ZNF236: variants seen among roughly 807,000 people sequenced by gnomAD.
ZNF236 encodes the protein zinc finger protein 236, also known as regulated by glucose.
Under a neutral mutation model 191.2 loss-of-function variants are expected in ZNF236, and 50 were observed. That is an observed-to-expected ratio of 0.26 (90% CI 0.21 to 0.33). ZNF236 has a LOEUF of 0.33. Among genes scored for constraint, ZNF236 ranks in the 10% least tolerant of loss-of-function variants. ZNF236 has a pLI of 1.00. For missense variants in ZNF236, 1,754 were observed against 2,374.5 expected (o/e 0.74, Z 5.43); for synonymous variants, 907 against 928.8 (o/e 0.98, Z 0.43).
At chr18:76,912,162 C>A in intron 16 of ZNF236, 82 bp from the exon 17 acceptor site, 1 of 1,006,126 alleles carries the variant, frequency 9.9e-7, no homozygotes, top group Non-Finnish European at 1.5e-6. Flanking sequence ...ATGTTCTTAT[C>A]CTTAGTTCTT....
At chr18:76,942,996 A>T (rs188682054) in intron 26 of ZNF236, among the ~76,000 whole-genome samples, 1,776 of 150,296 alleles carry the variant, frequency 0.012, 25 homozygotes, top group African/African-American at 0.04. Context: ...GGTGGCGGGC[A>T]CCTGTGGTCC....
intron 9 of ZNF236, chr18:76,887,371 CTAAATAAATAAA>C (rs61702186): frequency 2.0e-5 from 3 of 149,394 alleles, no homozygotes; most frequent in Non-Finnish European, 1.5e-5. Context: ...GACTCCATGT[CTAAATAAATAAA>C]TAAATAAATA....
At chr18:76,852,637 CAAA>C (rs34349493) in intron 3 of ZNF236, among the ~76,000 whole-genome samples, 1 of 133,614 alleles carries the variant, frequency 7.5e-6, no homozygotes. Flanking sequence ...CCATCTCTAC[CAAA>C]AAAAAAAAAG....
intron 3 of ZNF236, among the ~76,000 whole-genome samples, chr18:76,867,963 A>G (rs930056308): frequency 6.6e-6 from 1 of 152,144 alleles, no homozygotes; most frequent in Non-Finnish European, 1.5e-5. Context: ...AAAATTTTCT[A>G]GTAGCCACAT....
At chr18:76,939,722 A>G (rs1968083637) in intron 26 of ZNF236, among the ~76,000 whole-genome samples, 1 of 151,986 alleles carries the variant, frequency 6.6e-6, no homozygotes, top group African/African-American at 2.4e-5. Context: ...GTAAAGCCTT[A>G]AGGGTGTAAT....
intron 9 of ZNF236, chr18:76,886,257 G>A (rs933585957): frequency 6.6e-6 from 1 of 152,248 alleles, no homozygotes; most frequent in Non-Finnish European, 1.5e-5. Flanking sequence ...TTTCTTGAGA[G>A]ATCTGACAAA....
intron 9 of ZNF236, among the ~76,000 whole-genome samples, chr18:76,884,056 A>G (rs1976975397): frequency 2.0e-5 from 3 of 152,234 alleles, no homozygotes. Flanking sequence ...AAATGCTTTT[A>G]TAGTTATCAT....
chr18:76,955,654 A>T (rs1968505273), intron 27 of ZNF236, among the ~76,000 whole-genome samples: 1 of 152,200 alleles, frequency 6.6e-6, no homozygotes, highest in South Asian at 2.1e-4. Flanking sequence ...TTCTCCCATG[A>T]GGACGCGACC....
At chr18:76,878,911 G>A (rs555822686) in intron 7 of ZNF236, among the ~76,000 whole-genome samples, 6 of 152,212 alleles carry the variant, frequency 3.9e-5, no homozygotes, top group Admixed American at 1.3e-4. Flanking sequence ...TAAACATTAG[G>A]TTTACCTTTA....
chr18:76,912,175 C>A, intron 16 of ZNF236, 69 bp from the exon 17 acceptor site: 1 of 1,174,078 alleles, frequency 8.5e-7, no homozygotes, highest in Non-Finnish European at 1.2e-6. Context: ...TAGTTCTTAG[C>A]TGCTCAGTTG....
intron 9 of ZNF236, among the ~76,000 whole-genome samples, chr18:76,894,351 G>GAACCA (rs1977337542): frequency 2.0e-5 from 3 of 152,178 alleles, no homozygotes; most frequent in African/African-American, 7.2e-5. Context: ...TCAGTAGCTG[G>GAACCA]CTTGGTTCTC....
At chr18:76,845,171 A>C (rs1298622026) in intron 1 of ZNF236, among the ~76,000 whole-genome samples, 1 of 152,178 alleles carries the variant, frequency 6.6e-6, no homozygotes, top group Non-Finnish European at 1.5e-5. Flanking sequence ...TTTTCTGATC[A>C]TTGTGCAATC....
At position 76,919,974 on chromosome 18, in the gene ZNF236, A is replaced by G; in HGVS notation, c.3473A>G (p.Gln1158Arg). 6.2e-7 allele frequency: 1 copy of G among 1,614,010 alleles called. No homozygotes were observed. Among genetic ancestry groups the G allele is most frequent in the Non-Finnish European group, 8.5e-7 (1 of 1,180,016 alleles). ...CGCATCAGTGAGCTGAGGGACAAGCAGGCGGAGCTGCAGGACGAGCCCAAG... is the reference window on the plus strand; with the variant it reads ...CGCATCAGTGAGCTGAGGGACAAGCGGGCGGAGCTGCAGGACGAGCCCAAG... ...KDRISELRDK[Q>R]AELQDEPKHA... The change falls in exon 20 of 31, where the codon CAG (glutamine) becomes CGG (arginine). Residue 1158 changes from glutamine to arginine, a missense_variant. Around this residue, in one of 5 missense-constraint regions of ZNF236, gnomAD observed 641 missense variants for 869.6 expected, o/e 0.74. Transcript: ENST00000320610. The surrounding 1 kb of genome is among the most constrained non-coding windows in gnomAD (Gnocchi z 5.3).
At chr18:76,920,254 A>T (rs1427405336) in intron 20 of ZNF236, among the ~76,000 whole-genome samples, 196 bp downstream of exon 20, 2 of 152,084 alleles carry the variant, frequency 1.3e-5, no homozygotes, top group Non-Finnish European at 2.9e-5. Flanking sequence ...TCAGAATATT[A>T]ATTAGTCTGT....
intron 19 of ZNF236, among the ~76,000 whole-genome samples, chr18:76,917,379 CAATT>C (rs1967397895): frequency 6.6e-6 from 1 of 152,156 alleles, no homozygotes; most frequent in African/African-American, 2.4e-5. Context: ...TCTTTCCTGT[CAATT>C]AATAAAGCTT....
At chr18:76,955,710 T>A (rs1968506773) in intron 27 of ZNF236, among the ~76,000 whole-genome samples, 1 of 152,156 alleles carries the variant, frequency 6.6e-6, no homozygotes, top group Non-Finnish European at 1.5e-5. Context: ...GATAGTCACA[T>A]TGGAGCTGGA....
At chr18:76,902,331 C>CATGGT (rs1977617795) in intron 11 of ZNF236, among the ~76,000 whole-genome samples, 2 of 152,146 alleles carry the variant, frequency 1.3e-5, no homozygotes. Context: ...TTGATAAAAA[C>CATGGT]ATGGTAAGGA....
chr18:76,843,409 G>T (rs916164166), intron 1 of ZNF236, among the ~76,000 whole-genome samples: 1 of 152,174 alleles, frequency 6.6e-6, no homozygotes, highest in African/African-American at 2.4e-5. Context: ...ATAAAGTCCA[G>T]CTGTGTTAAA....
In ZNF236 at chr18:76,851,911, C is replaced by T. The variant is rs1382268069; in HGVS notation, c.335C>T (p.Ala112Val). The change falls in exon 3 of 31, where the codon GCG (alanine) becomes GTG (valine). Residue 112 changes from alanine (A) to valine (V), a missense_variant. Physicochemically the swap from Ala to Val is moderately conservative, Grantham distance 64. Coordinates refer to ENST00000320610, the MANE Select transcript of ZNF236 (RefSeq NM_001306089.2). ...TTCTCCAGAGTGGCTAGTCTCAAAGCGCATATTATGCTACATGAAAAGGAA... is the reference window on the plus strand; with the variant it reads ...TTCTCCAGAGTGGCTAGTCTCAAAGTGCATATTATGCTACATGAAAAGGAA... ...KKFSRVASLK[A>V]HIMLHEKEEN... 1.2e-6 allele frequency: 2 copies of T among 1,612,606 alleles called. No individual in the cohort carries two copies. The highest frequency in any genetic ancestry group is 1.7e-6 in the Non-Finnish European group (2 of 1,179,476).
Sources: gnomAD v4.1 joint callset for allele counts (sites outside exome capture counted in the v4.1 genomes callset) on GRCh38, gnomAD v4.1.1 for gene constraint, gnomAD v4.1.1 regional missense constraint, Gnocchi (gnomAD v3.1) non-coding constraint, MANE v1.5 for transcripts, NCBI Gene and HGNC (gene_info 2026-07-23, HGNC 2026-07-21) for gene names.